The following FPR3 variants were observed in gnomAD, a reference collection of about 807,000 sequenced individuals.
FPR3 encodes the protein N-formyl peptide receptor 3.
For synonymous variants in FPR3, 135 were observed against 163.6 expected, an observed-to-expected ratio of 0.83 and a Z score of 1.34; for missense variants, 346 against 443.2, an observed-to-expected ratio of 0.78 and a Z score of 1.97.
chr19:51,824,469 C>A lies in FPR3; in HGVS notation c.721C>A (p.Arg241Ser), dbSNP rs1435600197. The A allele has an allele frequency of 1.2e-6, 2 of 1,614,066 alleles. No homozygotes were observed. The highest frequency in any genetic ancestry group is 2.2e-5 in the South Asian group (2 of 91,086). Residue 241 changes from arginine (R) to serine (S), a missense_variant, in exon 2 of 2, where the codon CGT (arginine) becomes AGT (serine). Transcript: ENST00000339223. This position sits in a 1 kb window ranked among gnomAD's most constrained non-coding sequence, Gnocchi z 4.7. The stretch of plus-strand genomic sequence containing the variant: ...CATGATTAAATCCAGCCGTCCCTTA[C>A]GTGTCTTCGCTGCTGTGGTGGCTTC... Reference protein sequence around the residue: ...NHMIKSSRPLRVFAAVVASFF... With the variant: ...NHMIKSSRPLSVFAAVVASFF...
chr19:51,797,047 T>C (rs1237860424), intron 1 of FPR3, among the ~76,000 whole-genome samples: 1 of 152,140 alleles, frequency 6.6e-6, no homozygotes, highest in Non-Finnish European at 1.5e-5. Flanking sequence ...CAAGAGTGTA[T>C]TGTGTGCACA....
intron 1 of FPR3, among the ~76,000 whole-genome samples, chr19:51,821,936 A>C (rs951923147): frequency 7.9e-5 from 12 of 152,214 alleles, no homozygotes; most frequent in Admixed American, 7.9e-4. Context: ...CAAGGTAGGA[A>C]GAGTCTCTAA....
rs760137716 is a variant in FPR3 at position 51,824,477 on chromosome 19, C to T, written c.729C>T (p.Phe243=). The T allele has an allele frequency of 1.7e-5, 28 of 1,614,032 alleles. No homozygotes were observed. The highest frequency in any genetic ancestry group is 4.5e-5 in the East Asian group (2 of 44,844). ...MIKSSRPLRV[F]AAVVASFFIC... ...AATCCAGCCGTCCCTTACGTGTCTT[C>T]GCTGCTGTGGTGGCTTCTTTCTTCA... Residue 243 remains phenylalanine (F), a synonymous_variant, in exon 2 of 2, where the codon TTC becomes TTT. Transcript: ENST00000339223. This position sits in a 1 kb window ranked among gnomAD's most constrained non-coding sequence, Gnocchi z 4.7.
Position 51,813,161 on chromosome 19 carries a change from C to CA in FPR3, c.-10-10578_-10-10577insA, listed in dbSNP as rs71304202. Among the ~76,000 whole-genome samples, 321 of 149,530 alleles carry CA rather than the reference C, an allele frequency of 2.1e-3. 2 individuals carry two copies. The highest frequency in any genetic ancestry group is 0.014 in the Middle Eastern group (4 of 292). ...ACACACACACACACACACACACACA[C>CA]CCCATAAATTTATTGATCACAGTTC... On this transcript the variant is annotated intron_variant, in intron 1 of 1. Transcript: ENST00000339223.
rs374879391 is a variant in FPR3 at position 51,799,308 on chromosome 19, A to G, written c.-11+3977A>G. Among the ~76,000 whole-genome samples the G allele has an allele frequency of 4.6e-5, 7 of 152,012 alleles. No homozygotes were observed. In the East Asian group the frequency reaches 9.7e-4, roughly 21 times the overall value. Reference sequence around the variant, plus strand: ...TCGCCTCATTGAAGCCGCACCCACAATCCAACCCACGATGTGAGGCTGCCC... The same window carrying G: ...TCGCCTCATTGAAGCCGCACCCACAGTCCAACCCACGATGTGAGGCTGCCC... On this transcript the variant is annotated intron_variant, in intron 1 of 1. Transcript: ENST00000339223.
At chr19:51,801,532 G>A (rs1221999744) in intron 1 of FPR3, among the ~76,000 whole-genome samples, 1 of 152,202 alleles carries the variant, frequency 6.6e-6, no homozygotes, top group Non-Finnish European at 1.5e-5. Context: ...CGTAATCCCA[G>A]CACTTTAGGA....
In FPR3 at chr19:51,823,917, C is replaced by T. The variant is rs182683513; in HGVS notation, c.169C>T (p.Arg57Cys). The change falls in exon 2 of 2, where the codon CGC becomes TGC. Residue 57 changes from arginine (R) to cysteine (C), a missense_variant. By Grantham distance (180) the Arg-to-Cys change is radical. Coordinates refer to ENST00000339223, the MANE Select transcript of FPR3 (RefSeq NM_002030.5). ...VIWVAGFRMT[R>C]TVNTICYLNL... ...CTGGGTGGCTGGATTCCGGATGACA[C>T]GCACAGTCAACACCATCTGTTACCT... 71 of 1,614,102 alleles carry T rather than the reference C, an allele frequency of 4.4e-5. No individual in the cohort carries two copies. In the Admixed American group the frequency reaches 7.7e-4, roughly 17 times the overall value.
At position 51,824,883 on chromosome 19, in the gene FPR3, T is replaced by TGGTGAAAG; in HGVS notation, c.*73_*74insGGTGAAAG. On this transcript the variant is annotated 3_prime_UTR_variant, in exon 2 of 2. Coordinates refer to ENST00000339223, the MANE Select transcript of FPR3 (RefSeq NM_002030.5). This position sits in a 1 kb window ranked among gnomAD's most constrained non-coding sequence, Gnocchi z 4.7. ...GGAAAAAAAAAATTCTGACAGTGTT[T>TGGTGAAAG]TTCTTCCTCTTTCATACCACCACCA... 1.8e-6 allele frequency: 2 copies of TGGTGAAAG among 1,135,342 alleles called. No homozygotes were observed. Among genetic ancestry groups the TGGTGAAAG allele is most frequent in the Non-Finnish European group, 2.5e-6 (2 of 805,418 alleles). The allele number at this position is 1,135,342 out of a possible 1,614,324, so 70.3% of individuals were successfully genotyped here. A position where few individuals can be genotyped will look rare whatever the true frequency, so the allele number is the denominator to read the frequency against.
chr19:51,813,826 A>C (rs1200391661), intron 1 of FPR3, among the ~76,000 whole-genome samples: 1 of 152,122 alleles, frequency 6.6e-6, no homozygotes, highest in East Asian at 1.9e-4. Flanking sequence ...AAGCCACCGC[A>C]GCTGGCCGAT....
intron 1 of FPR3, among the ~76,000 whole-genome samples, chr19:51,813,945 G>A (rs1267312838): frequency 6.6e-6 from 1 of 152,132 alleles, no homozygotes; most frequent in Non-Finnish European, 1.5e-5. Flanking sequence ...CCAGAACAGT[G>A]GCAGCCATTC....
At chr19:51,799,227 T>C (rs895373428) in intron 1 of FPR3, among the ~76,000 whole-genome samples, 13 of 152,102 alleles carry the variant, frequency 8.5e-5, no homozygotes, top group Non-Finnish European at 8.8e-5. Flanking sequence ...TCCAGATGTC[T>C]CATGTACCTC....
At chr19:51,800,154 G>A (rs1258796241) in intron 1 of FPR3, among the ~76,000 whole-genome samples, 1 of 152,210 alleles carries the variant, frequency 6.6e-6, no homozygotes, top group African/African-American at 2.4e-5. Context: ...TGAGTCCCCA[G>A]GGCACCTTGC....
In FPR3 at chr19:51,824,916, C is replaced by A; in HGVS notation, c.*106C>A. 1.1e-6 allele frequency: 1 copy of A among 877,974 alleles called. No homozygotes were observed. Among genetic ancestry groups the A allele is most frequent in the Non-Finnish European group, 1.7e-6 (1 of 573,872 alleles). The allele number at this position is 877,974 out of a possible 1,614,324, so 54.4% of individuals were successfully genotyped here. ...TCTTTCATACCACCACCACCACAAT[C>A]ATCAACATAAAGGAAGTCTGTACCA... On this transcript the variant is annotated 3_prime_UTR_variant, in exon 2 of 2. Transcript: ENST00000339223. The surrounding 1 kb of genome is among the most constrained non-coding windows in gnomAD (Gnocchi z 4.7).
chr19:51,800,413 G>A (rs1428786893), intron 1 of FPR3, among the ~76,000 whole-genome samples: 2 of 152,210 alleles, frequency 1.3e-5, no homozygotes, highest in African/African-American at 2.4e-5. Flanking sequence ...AACCTGCAGA[G>A]GTGCCAGTGC....
At chr19:51,811,976 T>C (rs1183366312) in intron 1 of FPR3, among the ~76,000 whole-genome samples, 1 of 152,168 alleles carries the variant, frequency 6.6e-6, no homozygotes, top group Admixed American at 6.5e-5. Context: ...GCCCATATTG[T>C]CTTGAGAAGG....
rs149917851 is a variant in FPR3 at position 51,811,149 on chromosome 19, A to G, written c.-10-12590A>G. ...TAATGGCAGAAGTACAGTATGAACT[A>G]AACTCCAAGTGGAGAAAACAGAAGG... On this transcript the variant is annotated intron_variant, in intron 1 of 1. Transcript: ENST00000339223. Among the ~76,000 whole-genome samples, 947 of 152,352 alleles carry G rather than the reference A, an allele frequency of 6.2e-3. 9 individuals are homozygous for G. The highest frequency in any genetic ancestry group is 0.02 in the African/African-American group (816 of 41,580).
chr19:51,818,479 A>C (rs2084161282), intron 1 of FPR3, among the ~76,000 whole-genome samples: 1 of 152,254 alleles, frequency 6.6e-6, no homozygotes, highest in Admixed American at 6.5e-5. Context: ...TCAGTGCAGA[A>C]AGTATTTATG....
intron 1 of FPR3, among the ~76,000 whole-genome samples, chr19:51,813,917 G>A (rs987153142): frequency 5.9e-5 from 9 of 152,102 alleles, no homozygotes; most frequent in Non-Finnish European, 1.2e-4. Context: ...GGCTCTGGAG[G>A]GCCCGTTGAT....
intron 1 of FPR3, among the ~76,000 whole-genome samples, chr19:51,819,736 CT>C (rs2084173725): frequency 1.3e-5 from 2 of 152,156 alleles, no homozygotes; most frequent in East Asian, 3.9e-4. Flanking sequence ...TAAAGTTTGG[CT>C]AGGAATTCTC....
Sources: gnomAD v4.1 joint callset for allele counts (sites outside exome capture counted in the v4.1 genomes callset) on GRCh38, gnomAD v4.1.1 for gene constraint, Gnocchi (gnomAD v3.1) non-coding constraint, MANE v1.5 for transcripts, NCBI Gene and HGNC (gene_info 2026-07-23, HGNC 2026-07-21) for gene names.